BMPER: variants seen among roughly 807,000 people sequenced by gnomAD.
BMPER encodes the protein BMP binding endothelial regulator, also known as BMP-binding endothelial regulator protein.
In BMPER, 45 loss-of-function variants were observed where a neutral mutation model predicts 87.3. The observed-to-expected ratio is 0.52, with a 90% confidence interval of 0.41 to 0.66. The LOEUF (loss-of-function observed/expected upper bound fraction) is 0.66, where lower values mean the gene tolerates loss of function less well. Among genes scored for constraint, BMPER ranks in the 30% least tolerant of loss-of-function variants. BMPER has a pLI of 0.00. For synonymous variants in BMPER, 326 were observed against 316.2 expected (o/e 1.03, Z -0.33); for missense variants, 784 against 867.5 (o/e 0.90, Z 1.21).
intron 9 of BMPER, 130 bp downstream of exon 9, chr7:34,055,433 A>G (rs891254652): frequency 3.5e-6 from 4 of 1,143,928 alleles, no homozygotes; most frequent in African/African-American, 3.1e-5. Flanking sequence ...GTGTGCATAT[A>G]TTAATAGAAT....
chr7:34,085,690 A>T, intron 12 of BMPER, 66 bp from the exon 13 acceptor site: 1 of 1,399,090 alleles, frequency 7.1e-7, no homozygotes, highest in Non-Finnish European at 1.0e-6. Context: ...GTAAGGATGT[A>T]TACATTTGGG....
intron 6 of BMPER, among the ~76,000 whole-genome samples, chr7:34,007,745 A>G (rs1023425147): frequency 5.9e-5 from 9 of 151,940 alleles, no homozygotes; most frequent in African/African-American, 1.4e-4. Flanking sequence ...AATTTTTTCT[A>G]TTATAAACAA....
intron 8 of BMPER, among the ~76,000 whole-genome samples, chr7:34,052,566 T>C (rs910774843): frequency 6.6e-6 from 1 of 152,230 alleles, no homozygotes; most frequent in Non-Finnish European, 1.5e-5. Flanking sequence ...TAATTTATTT[T>C]GGAAACCAAG....
chr7:33,906,369 C>A (rs1260457250), intron 1 of BMPER, among the ~76,000 whole-genome samples: 1 of 152,110 alleles, frequency 6.6e-6, no homozygotes, highest in East Asian at 1.9e-4. Flanking sequence ...TAAGACAATG[C>A]GAGACAGATT....
intron 13 of BMPER, among the ~76,000 whole-genome samples, chr7:34,120,634 A>G (rs10216122): frequency 0.79 from 119,498 of 151,948 alleles, 47,322 homozygotes; most frequent in East Asian, 0.95. Context: ...CCGACCTCAA[A>G]TGATCTGCCC....
chr7:34,117,313 T>C, intron 13 of BMPER, among the ~76,000 whole-genome samples: 1 of 152,200 alleles, frequency 6.6e-6, no homozygotes, highest in East Asian at 1.9e-4. Flanking sequence ...ACAGTCATTT[T>C]TATAAGACCA....
chr7:33,939,932 C>CT (rs1221842401), intron 3 of BMPER: 1 of 274,722 alleles, frequency 3.6e-6, no homozygotes, highest in Admixed American at 3.9e-5. Flanking sequence ...TGTTTTCTCT[C>CT]TTTCTACCTC....
intron 11 of BMPER, among the ~76,000 whole-genome samples, chr7:34,064,064 G>A (rs1469594938): frequency 6.6e-6 from 1 of 152,236 alleles, no homozygotes; most frequent in East Asian, 1.9e-4. Context: ...GCCGAGGAGG[G>A]CAGATCACTT....
At chr7:33,939,990 A>C (rs1784713485) in intron 3 of BMPER, 1 of 280,122 alleles carries the variant, frequency 3.6e-6, no homozygotes, top group African/African-American at 2.3e-5. Context: ...AGTCCTGTTC[A>C]CTCTTAAATA....
At chr7:34,131,930 AT>A (rs763643807) in intron 13 of BMPER, among the ~76,000 whole-genome samples, 10 of 152,092 alleles carry the variant, frequency 6.6e-5, no homozygotes, top group Non-Finnish European at 2.9e-5. Flanking sequence ...AACCATTTCC[AT>A]TTCTGTGCAT....
chr7:33,909,680 CAAA>C (rs60327948), intron 2 of BMPER, among the ~76,000 whole-genome samples: 2 of 53,520 alleles, frequency 3.7e-5, no homozygotes, highest in Non-Finnish European at 3.8e-5. Context: ...ATAACATGTA[CAAA>C]AAAAAAAAAA....
chr7:33,934,876 C>A (rs1784565438), intron 2 of BMPER, among the ~76,000 whole-genome samples: 1 of 152,216 alleles, frequency 6.6e-6, no homozygotes, highest in Non-Finnish European at 1.5e-5. Context: ...GTCCTGGTAA[C>A]AGAAGCTCTG....
chr7:34,099,561 G>A (rs943820628), intron 13 of BMPER, among the ~76,000 whole-genome samples: 40 of 152,124 alleles, frequency 2.6e-4, no homozygotes, highest in African/African-American at 9.2e-4. Context: ...GATTTTATCC[G>A]CCTTTTAAGG....
At chr7:33,985,109 A>G (rs961825404) in intron 6 of BMPER, among the ~76,000 whole-genome samples, 1 of 152,242 alleles carries the variant, frequency 6.6e-6, no homozygotes, top group East Asian at 1.9e-4. Context: ...AAATAAAACC[A>G]TAATGCAGCC....
chr7:33,928,716 A>G (rs1416612481), intron 2 of BMPER, among the ~76,000 whole-genome samples: 1 of 151,564 alleles, frequency 6.6e-6, no homozygotes, highest in African/African-American at 2.4e-5. Context: ...CCAACAAACT[A>G]AAGCCCATTA....
At chr7:33,974,882 T>G (rs1248202528) in intron 6 of BMPER, 98 bp downstream of exon 6, 1 of 1,221,694 alleles carries the variant, frequency 8.2e-7, no homozygotes, top group East Asian at 2.3e-5. Context: ...CTCTCTCGTC[T>G]CCTCTCTGGG....
chr7:33,936,133 A>G (rs967225116), intron 2 of BMPER, among the ~76,000 whole-genome samples: 3 of 152,162 alleles, frequency 2.0e-5, no homozygotes, highest in Non-Finnish European at 2.9e-5. Context: ...GTCTCATGAC[A>G]TGGAGGCATA....
intron 13 of BMPER, among the ~76,000 whole-genome samples, chr7:34,101,468 A>G (rs1789680740): frequency 6.6e-6 from 1 of 152,174 alleles, no homozygotes; most frequent in African/African-American, 2.4e-5. Context: ...TTAAATAATC[A>G]CTGGATGATG....
intron 6 of BMPER, among the ~76,000 whole-genome samples, chr7:33,994,463 C>G (rs560183412): frequency 4.1e-4 from 62 of 152,330 alleles, no homozygotes; most frequent in African/African-American, 1.5e-3. Flanking sequence ...GAGGCAATGC[C>G]TCACCCTGCT....
Sources: allele counts gnomAD v4.1 joint callset (sites outside exome capture counted in the v4.1 genomes callset), GRCh38; gene constraint gnomAD v4.1.1; transcripts MANE v1.5; gene names NCBI Gene and HGNC (gene_info 2026-07-23, HGNC 2026-07-21).